Variants in ABHD2 observed in about 807,000 individuals in gnomAD.
The protein encoded by ABHD2 is monoacylglycerol lipase ABHD2.
In ABHD2, 20 loss-of-function variants were observed where a neutral mutation model predicts 48.1. That is an observed-to-expected ratio of 0.42 (90% CI 0.29 to 0.60). ABHD2 has a LOEUF of 0.60. Among genes scored for constraint, ABHD2 ranks in the 20% least tolerant of loss-of-function variants. ABHD2 has a pLI of 0.24. For missense variants in ABHD2, 405 were observed against 550.9 expected, an observed-to-expected ratio of 0.74 and a Z score of 2.65; for synonymous variants, 209 against 214.2, an observed-to-expected ratio of 0.98 and a Z score of 0.21.
chr15:89,131,221 C>G (rs559394929), intron 3 of ABHD2, among the ~76,000 whole-genome samples: 1 of 152,334 alleles, frequency 6.6e-6, no homozygotes, highest in East Asian at 1.9e-4. Flanking sequence ...GCTCCTTCTT[C>G]CCTATATTCC....
chr15:89,112,327 AT>A (rs953343330), intron 1 of ABHD2, among the ~76,000 whole-genome samples: 1 of 152,104 alleles, frequency 6.6e-6, no homozygotes, highest in African/African-American at 2.4e-5. Flanking sequence ...GAATAAATTA[AT>A]TTTTTTTAAA....
chr15:89,185,049 T>C lies in ABHD2; in HGVS notation c.723-375T>C, dbSNP rs1161307148. Among the ~76,000 whole-genome samples the C allele has an allele frequency of 6.6e-6, 1 of 152,208 alleles. No homozygotes were observed. The highest frequency in any genetic ancestry group is 1.5e-5 in the Non-Finnish European group (1 of 68,032). On this transcript the variant is annotated intron_variant, in intron 6 of 10. Transcript: ENST00000352732. This position sits in a 1 kb window ranked among gnomAD's most constrained non-coding sequence, Gnocchi z 5.9. The stretch of plus-strand genomic sequence containing the variant: ...GTGCCAGTCATTAAACCAGAAAACT[T>C]GCCTGCCAGGTAGGGAGCCAAATAC...
chr15:89,138,660 A>G (rs1406322303), intron 3 of ABHD2, among the ~76,000 whole-genome samples: 1 of 152,254 alleles, frequency 6.6e-6, no homozygotes, highest in Non-Finnish European at 1.5e-5. Flanking sequence ...ACCACTGTAG[A>G]GAAGCTCCAA....
rs963996166 is a variant in ABHD2 at position 89,091,556 on chromosome 15, C to G, written c.-107+2993C>G. Among the ~76,000 whole-genome samples, 1 of 152,158 alleles carries G rather than the reference C, an allele frequency of 6.6e-6. No individual in the cohort carries two copies. The highest frequency in any genetic ancestry group is 1.5e-5 in the Non-Finnish European group (1 of 68,018). On this transcript the variant is annotated intron_variant, in intron 1 of 10. Coordinates refer to ENST00000352732, the MANE Select transcript of ABHD2 (RefSeq NM_152924.5). This position sits in a 1 kb window ranked among gnomAD's most constrained non-coding sequence, Gnocchi z 5.5. The stretch of plus-strand genomic sequence containing the variant: ...CTTTTCCTGGTAATCTCCGGCAGGA[C>G]CCATAACCTCTGTAGTGGTTCTCAC...
chr15:89,199,413 T>G lies in ABHD2; in HGVS notation c.*3990T>G, dbSNP rs540543004. On this transcript the variant is annotated 3_prime_UTR_variant, in exon 11 of 11. Transcript: ENST00000352732. This position sits in a 1 kb window ranked among gnomAD's most constrained non-coding sequence, Gnocchi z 4.1. ...TGTAGCATTCTATCACAATATCATC[T>G]GGAATTGTTTTCTTTGCCCAGAAAG... is the stretch of plus-strand genomic sequence containing the variant. 3.3e-5 allele frequency: 5 copies of G among 152,738 alleles called. No homozygotes were observed. The highest frequency in any genetic ancestry group is 1.2e-4 in the African/African-American group (5 of 41,560). The allele number at this position is 152,738 out of a possible 1,614,324, so 9.5% of individuals were successfully genotyped here.
At position 89,137,358 on chromosome 15, in the gene ABHD2, T is replaced by C. The variant is rs1033046974; in HGVS notation, c.195-14319T>C. Among the ~76,000 whole-genome samples, 3 of 152,216 alleles carry C rather than the reference T, an allele frequency of 2.0e-5. No homozygotes were observed. The highest frequency in any genetic ancestry group is 7.2e-5 in the African/African-American group (3 of 41,450). ...TCTGAGGGGTTTTAACTGGTTTTCT[T>C]TGAACTTTAGAAAAGCACATTTATT... On this transcript the variant is annotated intron_variant, in intron 3 of 10. Transcript: ENST00000352732. The surrounding 1 kb of genome is among the most constrained non-coding windows in gnomAD (Gnocchi z 4.8).
chr15:89,185,163 G>A lies in ABHD2; in HGVS notation c.723-261G>A, dbSNP rs1434720438. The stretch of plus-strand genomic sequence containing the variant: ...GGTCCAGGTGCTAGAAGAGAGTGTC[G>A]GGGGTGCCACCAACAAAGCCTCTGG... On this transcript the variant is annotated intron_variant, in intron 6 of 10. Transcript: ENST00000352732. This position sits in a 1 kb window ranked among gnomAD's most constrained non-coding sequence, Gnocchi z 5.9. Among the ~76,000 whole-genome samples, 3 of 152,286 alleles carry A rather than the reference G, an allele frequency of 2.0e-5. No homozygotes were observed. Among genetic ancestry groups the A allele is most frequent in the East Asian group, 1.9e-4 (1 of 5,184 alleles).
the ABHD2 span, among the ~76,000 whole-genome samples, chr15:89,051,979 A>G: frequency 1.3e-5 from 2 of 152,180 alleles, no homozygotes. Flanking sequence ...AGGAGAATAT[A>G]TTCTGGCAGT....
At position 89,116,795 on chromosome 15, in the gene ABHD2, G is replaced by A. The variant is rs560748093; in HGVS notation, c.194+274G>A. 1.1e-4 allele frequency among the ~76,000 whole-genome samples: 17 copies of A among 152,266 alleles called. No homozygotes were observed. The South Asian group carries it at 3.5e-3, about 32-fold the overall frequency. On this transcript the variant is annotated intron_variant, in intron 3 of 10. Transcript: ENST00000352732. This position sits in a 1 kb window ranked among gnomAD's most constrained non-coding sequence, Gnocchi z 4.6. ...TTGCAGAAAATAGTAGTCATTTTTA[G>A]GCAGATATGGAAAAGTTGGACAATA...
the ABHD2 span, among the ~76,000 whole-genome samples, chr15:89,054,418 C>T: frequency 0.013 from 1,934 of 152,110 alleles, 43 homozygotes; most frequent in African/African-American, 0.045. Flanking sequence ...CAGTGGCTCA[C>T]GCCTGTAATC....
chr15:89,158,409 G>T (rs570569541), intron 5 of ABHD2, among the ~76,000 whole-genome samples: 4 of 152,226 alleles, frequency 2.6e-5, no homozygotes, highest in Non-Finnish European at 5.9e-5. Context: ...AGGCCAAAGA[G>T]ACCAGATTGG....
the ABHD2 span, among the ~76,000 whole-genome samples, chr15:89,076,172 A>G: frequency 6.6e-6 from 1 of 152,220 alleles, no homozygotes; most frequent in Non-Finnish European, 1.5e-5. Context: ...GAACACACTG[A>G]ACGTTAGTTT....
intron 1 of ABHD2, among the ~76,000 whole-genome samples, chr15:89,103,525 C>A (rs1201009288): frequency 2.0e-5 from 3 of 152,152 alleles, no homozygotes; most frequent in Non-Finnish European, 4.4e-5. Context: ...AAACCTTCGC[C>A]CCTGTGTCAT....
chr15:89,062,301 A>G, the ABHD2 span, among the ~76,000 whole-genome samples: 1 of 151,830 alleles, frequency 6.6e-6, no homozygotes, highest in East Asian at 1.9e-4. Flanking sequence ...ATTCGGGCAG[A>G]ATGTACCCTA....
rs995920359 is a variant in ABHD2, at chr15:89,097,442, G to A, written c.-107+8879G>A. ...TCAAATTTCCAATTGTTTAAAAATG[G>A]CATAAGTGTTTTTCTCCTTAAGCTT... On this transcript the variant is annotated intron_variant, in intron 1 of 10. Coordinates refer to ENST00000352732, the MANE Select transcript of ABHD2 (RefSeq NM_152924.5). This position sits in a 1 kb window ranked among gnomAD's most constrained non-coding sequence, Gnocchi z 4.2. 1.3e-5 allele frequency among the ~76,000 whole-genome samples: 2 copies of A among 152,094 alleles called. No individual in the cohort carries two copies. The highest frequency in any genetic ancestry group is 2.9e-5 in the Non-Finnish European group (2 of 68,020).
In ABHD2 at chr15:89,195,482, C is replaced by T. The variant is rs2051386414; in HGVS notation, c.*59C>T. On this transcript the variant is annotated 3_prime_UTR_variant, in exon 11 of 11. Coordinates refer to ENST00000352732, the MANE Select transcript of ABHD2 (RefSeq NM_152924.5). The surrounding 1 kb of genome is among the most constrained non-coding windows in gnomAD (Gnocchi z 5.1). ...CCTCTGGAAGCTGCGTCCCCTCACC[C>T]CCTGTTTCAGGTCTCCCATCTCCCT... 1 of 1,551,394 alleles carries T rather than the reference C, an allele frequency of 6.4e-7. No individual in the cohort carries two copies. Among genetic ancestry groups the T allele is most frequent in the East Asian group, 2.3e-5 (1 of 43,448 alleles).
chr15:89,126,486 T>C (rs953969155), intron 3 of ABHD2, among the ~76,000 whole-genome samples: 2 of 152,248 alleles, frequency 1.3e-5, no homozygotes, highest in Non-Finnish European at 2.9e-5. Context: ...CCAACTTTTA[T>C]CAGCCTCTCA....
chr15:89,055,121 C>G, the ABHD2 span, among the ~76,000 whole-genome samples: 1 of 152,018 alleles, frequency 6.6e-6, no homozygotes, highest in Non-Finnish European at 1.5e-5. Flanking sequence ...TCACTTGAGC[C>G]CAGGAGTTCA....
At chr15:89,163,507 A>G (rs562386278) in intron 5 of ABHD2, among the ~76,000 whole-genome samples, 49 of 152,334 alleles carry the variant, frequency 3.2e-4, no homozygotes, top group African/African-American at 1.1e-3. Context: ...TAGTATCCCC[A>G]CTTCACAGGC....
Sources: gnomAD v4.1 joint callset for allele counts (sites outside exome capture counted in the v4.1 genomes callset) on GRCh38, gnomAD v4.1.1 for gene constraint, Gnocchi (gnomAD v3.1) non-coding constraint, MANE v1.5 for transcripts, NCBI Gene and HGNC (gene_info 2026-07-23, HGNC 2026-07-21) for gene names.